Variants in OR5K1 observed in about 807,000 individuals in gnomAD.
OR5K1 encodes olfactory receptor 5K1.
Under a neutral mutation model 10.4 loss-of-function variants are expected in OR5K1, and 7 were observed. The observed-to-expected ratio is 0.67, with a 90% CI of 0.38 to 1.26. The LOEUF (loss-of-function observed/expected upper bound fraction) is 1.26, where lower values mean the gene tolerates loss of function less well. Ranked by LOEUF, OR5K1 falls within the 50% of genes most tolerant of loss-of-function variation. OR5K1 has a pLI of 0.02. For synonymous variants in OR5K1, 135 were observed against 128.5 expected, an observed-to-expected ratio of 1.05 and a Z score of -0.34; for missense variants, 435 against 366.2, an observed-to-expected ratio of 1.19 and a Z score of -1.53.
At chr3:98,468,003 T>C (rs1705395249) in intron 1 of OR5K1, among the ~76,000 whole-genome samples, 1 of 152,104 alleles carries the variant, frequency 6.6e-6, no homozygotes, top group Non-Finnish European at 1.5e-5. Context: ...ATGCTTCCAG[T>C]TTTTAACCTT....
chr3:98,466,034 G>T (rs1415137496), intron 1 of OR5K1, among the ~76,000 whole-genome samples: 3 of 151,862 alleles, frequency 2.0e-5, no homozygotes, highest in Non-Finnish European at 4.4e-5. Context: ...ATCTCCCAAT[G>T]CTATCCCTCC....
intron 1 of OR5K1, among the ~76,000 whole-genome samples, chr3:98,465,812 T>G (rs185661467): frequency 6.6e-6 from 1 of 152,230 alleles, no homozygotes; most frequent in Admixed American, 6.5e-5. Flanking sequence ...AACAATATCC[T>G]ATTTATTCCA....
Position 98,470,586 on chromosome 3 carries a change from G to T in OR5K1, c.*83G>T. On this transcript the variant is annotated 3_prime_UTR_variant, in exon 2 of 2. Coordinates refer to ENST00000642057, the MANE Select transcript of OR5K1 (RefSeq NM_001004736.4). ...AAAAACTTCCATGTGAAATTACACA[G>T]GGGAAATGCATAAATTATAAGTAAA... 1.4e-6 allele frequency: 1 copy of T among 731,348 alleles called. No homozygotes were observed. Among genetic ancestry groups the T allele is most frequent in the Non-Finnish European group, 2.2e-6 (1 of 453,264 alleles). The allele number at this position is 731,348 out of a possible 1,614,324, so 45.3% of individuals were successfully genotyped here.
chr3:98,469,103 TAAGA>T (rs1451452206), intron 1 of OR5K1, among the ~76,000 whole-genome samples: 1 of 152,010 alleles, frequency 6.6e-6, no homozygotes, highest in Admixed American at 6.6e-5. Flanking sequence ...TATGCAGCCA[TAAGA>T]AAGAATGAGA....
chr3:98,467,156 A>G (rs1181928619), intron 1 of OR5K1, among the ~76,000 whole-genome samples: 1 of 101,464 alleles, frequency 9.9e-6, no homozygotes, highest in Non-Finnish European at 1.9e-5. Context: ...TTAAATAGGG[A>G]ATCCTTTCCC....
Position 98,470,019 on chromosome 3 carries a change from C to A in OR5K1, c.443C>A (p.Ala148Asp), listed in dbSNP as rs1040619405. Residue 148 changes from alanine (A) to aspartate (D), a missense_variant, in exon 2 of 2, where the codon GCC (alanine) becomes GAC (aspartate). By Grantham distance (126) the Ala-to-Asp change is moderately radical (BLOSUM62 -2). Coordinates refer to ENST00000642057, the MANE Select transcript of OR5K1 (RefSeq NM_001004736.4). The stretch of plus-strand genomic sequence containing the variant: ...CTCTGCATTCAGATGACCACAGGGG[C>A]CTTCATAGCTGGAAACCTGCATTCC... ...KKLCIQMTTGAFIAGNLHSMI... is the reference protein window; with the variant it reads ...KKLCIQMTTGDFIAGNLHSMI... The A allele has an allele frequency of 1.2e-6, 2 of 1,613,622 alleles. No homozygotes were observed. Among genetic ancestry groups the A allele is most frequent in the Non-Finnish European group, 8.5e-7 (1 of 1,179,770 alleles).
chr3:98,465,741 G>A lies in OR5K1; in HGVS notation c.-12+2434G>A, dbSNP rs561004624. 3.2e-4 allele frequency among the ~76,000 whole-genome samples: 49 copies of A among 151,394 alleles called. 1 individual carries two copies. The highest frequency in any genetic ancestry group is 9.2e-4 in the Admixed American group (14 of 15,182). Reference sequence around the variant, plus strand: ...TATTTCCTTCATATTTTTCTGTTCTGCCATTGACCTATTTTCTAGTGATTA... The same window carrying A: ...TATTTCCTTCATATTTTTCTGTTCTACCATTGACCTATTTTCTAGTGATTA... On this transcript the variant is annotated intron_variant, in intron 1 of 1. Coordinates refer to ENST00000642057, the MANE Select transcript of OR5K1 (RefSeq NM_001004736.4).
At chr3:98,469,503 G>T (rs1416596641) in intron 1 of OR5K1, 63 bp from the exon 2 acceptor site, 8 of 1,464,098 alleles carry the variant, frequency 5.5e-6, no homozygotes, top group Non-Finnish European at 6.5e-6. Flanking sequence ...TTAAGCCAAA[G>T]AGACCTAAAT....
At position 98,464,121 on chromosome 3, in the gene OR5K1, G is replaced by A. The variant is rs559448823; in HGVS notation, c.-12+814G>A. On this transcript the variant is annotated intron_variant, in intron 1 of 1. Transcript: ENST00000642057. ...AATACAAAAAATAAATAGCCAAGCA[G>A]GTGGCGCATGCCTGTAATTTCATAC... 3.3e-5 allele frequency among the ~76,000 whole-genome samples: 5 copies of A among 152,044 alleles called. No individual in the cohort carries two copies. The South Asian group carries it at 1.0e-3, about 32-fold the overall frequency.
chr3:98,470,847 T>C lies in OR5K1; in HGVS notation c.*344T>C, dbSNP rs980266056. ...TGGAAGTTACAAGTTCAAAGGACCA[T>C]TCCATTAAGCATTGATAACCAGATA... On this transcript the variant is annotated 3_prime_UTR_variant, in exon 2 of 2. Transcript: ENST00000642057. 5.9e-6 allele frequency: 1 copy of C among 169,416 alleles called. No homozygotes were observed. The highest frequency in any genetic ancestry group is 5.9e-5 in the Admixed American group (1 of 16,836). The allele number at this position is 169,416 out of a possible 1,614,324, so 10.5% of individuals were successfully genotyped here. A position where few individuals can be genotyped will look rare whatever the true frequency, so the allele number is the denominator to read the frequency against.
In OR5K1 at chr3:98,469,887, T is replaced by G; in HGVS notation, c.311T>G (p.Leu104Arg). The change falls in exon 2 of 2, where the codon CTT (leucine) becomes CGT (arginine). Residue 104 changes from leucine (L) to arginine (R), a missense_variant. Leu to Arg is a moderately radical substitution (Grantham distance 102). Coordinates refer to ENST00000642057, the MANE Select transcript of OR5K1 (RefSeq NM_001004736.4). The stretch of plus-strand genomic sequence containing the variant: ...GAATGTGCAGTACAGTTTTATTTTC[T>G]TTGCACTGTGGAAACTGCAGACTGC... ...LYECAVQFYF[L>R]CTVETADCFL... The G allele has an allele frequency of 6.2e-7, 1 of 1,613,756 alleles. No individual in the cohort carries two copies. The highest frequency in any genetic ancestry group is 8.5e-7 in the Non-Finnish European group (1 of 1,179,792).
At position 98,470,687 on chromosome 3, in the gene OR5K1, G is replaced by T. The variant is rs949160963; in HGVS notation, c.*184G>T. On this transcript the variant is annotated 3_prime_UTR_variant, in exon 2 of 2. Coordinates refer to ENST00000642057, the MANE Select transcript of OR5K1 (RefSeq NM_001004736.4). ...GAATATACAAAAAAGAGTAAACTGTGGTAAATCTTAATTCAAAATAACAAA... is the reference window on the plus strand; with the variant it reads ...GAATATACAAAAAAGAGTAAACTGTTGTAAATCTTAATTCAAAATAACAAA... 2.6e-6 allele frequency: 1 copy of T among 388,220 alleles called. No homozygotes were observed. Among genetic ancestry groups the T allele is most frequent in the Non-Finnish European group, 4.6e-6 (1 of 216,998 alleles). 24.0% of individuals were successfully genotyped at this position (388,220 alleles called of 1,614,324 possible). A position where few individuals can be genotyped will look rare whatever the true frequency, so the allele number is the denominator to read the frequency against.
At position 98,469,619 on chromosome 3, in the gene OR5K1, A is replaced by C; in HGVS notation, c.43A>C (p.Thr15Pro). 1.2e-6 allele frequency: 2 copies of C among 1,612,292 alleles called. No individual in the cohort carries two copies. The highest frequency in any genetic ancestry group is 1.7e-6 in the Non-Finnish European group (2 of 1,179,000). The change falls in exon 2 of 2, where the codon ACA (threonine) becomes CCA (proline). Residue 15 changes from threonine (T) to proline (P), a missense_variant. Transcript: ENST00000642057. ...TACCATGAAAAATGAGTTTATCCTC[A>C]CAGGATTTACAGATCACCCTGAGCT... ...NHTMKNEFIL[T>P]GFTDHPELKT...
rs76956452 is a variant in OR5K1 at position 98,464,755 on chromosome 3, G to A, written c.-12+1448G>A. ...ACCAAAGAGATATTGCTTCCATAGAGGAGGTGACCTTAAGATTGCATTACC... is the reference window on the plus strand; with the variant it reads ...ACCAAAGAGATATTGCTTCCATAGAAGAGGTGACCTTAAGATTGCATTACC... On this transcript the variant is annotated intron_variant, in intron 1 of 1. Coordinates refer to ENST00000642057, the MANE Select transcript of OR5K1 (RefSeq NM_001004736.4). Among the ~76,000 whole-genome samples the A allele has an allele frequency of 6.3e-3, 960 of 152,274 alleles. 15 individuals carry two copies. Among genetic ancestry groups the A allele is most frequent in the African/African-American group, 0.022 (906 of 41,558 alleles).
At chr3:98,463,697 TAAAC>T (rs1275761615) in intron 1 of OR5K1, among the ~76,000 whole-genome samples, 2 of 152,166 alleles carry the variant, frequency 1.3e-5, no homozygotes, top group Non-Finnish European at 2.9e-5. Flanking sequence ...TCCTATGTAT[TAAAC>T]AAATTATATA....
intron 1 of OR5K1, among the ~76,000 whole-genome samples, chr3:98,465,020 T>C (rs1296258395): frequency 1.3e-5 from 2 of 152,204 alleles, no homozygotes; most frequent in African/African-American, 4.8e-5. Flanking sequence ...CCATTTTATT[T>C]ACTTAATAAA....
Position 98,469,573 on chromosome 3 carries a change from A to G in OR5K1, c.-4A>G, listed in dbSNP as rs1705415790. ...TCCACAATTTTTTTTCAGACAAGTCAGGAATGGCTGAAGAAAATCATACCA... is the reference window on the plus strand; with the variant it reads ...TCCACAATTTTTTTTCAGACAAGTCGGGAATGGCTGAAGAAAATCATACCA... On this transcript the variant is annotated 5_prime_UTR_variant, in exon 2 of 2. Transcript: ENST00000642057. 6.2e-7 allele frequency: 1 copy of G among 1,605,588 alleles called. No homozygotes were observed. The highest frequency in any genetic ancestry group is 8.5e-7 in the Non-Finnish European group (1 of 1,175,066).
intron 1 of OR5K1, among the ~76,000 whole-genome samples, chr3:98,465,710 A>T (rs982988334): frequency 2.6e-5 from 4 of 151,890 alleles, no homozygotes; most frequent in Admixed American, 2.0e-4. Context: ...AATTTGTAAA[A>T]AATTATATTT....
At chr3:98,469,219 G>A (rs1244622390) in intron 1 of OR5K1, among the ~76,000 whole-genome samples, 1 of 152,078 alleles carries the variant, frequency 6.6e-6, no homozygotes, top group Non-Finnish European at 1.5e-5. Context: ...ACTTATGAGT[G>A]AGAGCTAAAC....
Sources: gnomAD v4.1 joint callset for allele counts (sites outside exome capture counted in the v4.1 genomes callset) on GRCh38, gnomAD v4.1.1 for gene constraint, MANE v1.5 for transcripts, NCBI Gene and HGNC (gene_info 2026-07-23, HGNC 2026-07-21) for gene names.